Variants in POLR3B observed in about 807,000 individuals in gnomAD.
The protein encoded by POLR3B is DNA-directed RNA polymerase III subunit RPC2.
A neutral mutation model predicts 147.4 loss-of-function variants in POLR3B; 96 were observed. The observed-to-expected ratio is 0.65, with a 90% CI of 0.55 to 0.77. The LOEUF (loss-of-function observed/expected upper bound fraction) is 0.77. Ranked by LOEUF, POLR3B falls within the 30% of genes least tolerant of loss-of-function variation. The pLI is 0.00. For synonymous variants in POLR3B, 461 were observed against 485.9 expected (o/e 0.95, Z 0.67); for missense variants, 1,036 against 1,413.5 (o/e 0.73, Z 4.28).
chr12:106,428,674 T>C (rs559107233), intron 13 of POLR3B, among the ~76,000 whole-genome samples: 9 of 152,174 alleles, frequency 5.9e-5, no homozygotes, highest in Non-Finnish European at 1.3e-4. Flanking sequence ...TCTGTGGGCA[T>C]AAGTCAGTTT....
intron 19 of POLR3B, among the ~76,000 whole-genome samples, chr12:106,447,423 A>G (rs2037738351): frequency 6.6e-6 from 1 of 152,294 alleles, no homozygotes; most frequent in South Asian, 2.1e-4. Context: ...TAGGCGCTTT[A>G]TTAATAAAGT....
At chr12:106,470,521 G>T (rs2038075448) in intron 23 of POLR3B, among the ~76,000 whole-genome samples, 2 of 152,118 alleles carry the variant, frequency 1.3e-5, no homozygotes, top group African/African-American at 4.8e-5. Context: ...TTCCTTTGGA[G>T]GAGAAGAGGC....
At chr12:106,452,716 G>T (rs2137025934) in intron 19 of POLR3B, among the ~76,000 whole-genome samples, 1 of 152,240 alleles carries the variant, frequency 6.6e-6, no homozygotes, top group South Asian at 2.1e-4. Context: ...CAGGTATCCT[G>T]CCCAGTTTAT....
intron 9 of POLR3B, among the ~76,000 whole-genome samples, chr12:106,388,533 G>A (rs2036872289): frequency 1.3e-5 from 2 of 152,110 alleles, no homozygotes; most frequent in African/African-American, 4.8e-5. Context: ...GGCCAGGATG[G>A]TCTTGATCTC....
intron 23 of POLR3B, among the ~76,000 whole-genome samples, chr12:106,486,696 C>T (rs2038345913): frequency 6.6e-6 from 1 of 152,112 alleles, no homozygotes; most frequent in South Asian, 2.1e-4. Flanking sequence ...CTGCCAAAGC[C>T]CCATATTAAG....
intron 9 of POLR3B, among the ~76,000 whole-genome samples, chr12:106,383,973 A>G (rs1222131633): frequency 6.6e-6 from 1 of 150,452 alleles, no homozygotes; most frequent in African/African-American, 2.5e-5. Context: ...GTGAGACTCC[A>G]TCTCAAAAAA....
At position 106,447,674 on chromosome 12, in the gene POLR3B, T is replaced by A. The variant is rs2137020568; in HGVS notation, c.2083+3084T>A. On this transcript the variant is annotated intron_variant, in intron 19 of 27. Transcript: ENST00000228347. The stretch of plus-strand genomic sequence containing the variant: ...AGCCACACTTTCATATCCTGCCCAT[T>A]TATTAGTTGGCAGTCCTCTAGTGGA... Among the ~76,000 whole-genome samples, 2 of 152,292 alleles carry A rather than the reference T, an allele frequency of 1.3e-5. 1 individual carries two copies. Among genetic ancestry groups the A allele is most frequent in the Middle Eastern group, 6.8e-3 (2 of 294 alleles).
intron 10 of POLR3B, among the ~76,000 whole-genome samples, chr12:106,396,162 C>T (rs1278755294): frequency 1.3e-5 from 2 of 152,130 alleles, no homozygotes; most frequent in Non-Finnish European, 2.9e-5. Context: ...ATACCCTGCT[C>T]ACCTGTGTTC....
rs567765509 is a variant in POLR3B, at chr12:106,501,350, T to C, written c.3012T>C (p.Phe1004=). 1.2e-6 allele frequency: 2 copies of C among 1,612,806 alleles called. No individual in the cohort carries two copies. Among genetic ancestry groups the C allele is most frequent in the East Asian group, 4.5e-5 (2 of 44,876 alleles). The change falls in exon 26 of 28, where the codon TTT becomes TTC. Residue 1004 remains phenylalanine (F), a synonymous_variant. Transcript: ENST00000228347. Reference sequence around the variant, plus strand: ...AGCCCTTAGAAGCATACATCTATTTTGGCCCCGTGTACTATCAGAAGCTGA... The same window carrying C: ...AGCCCTTAGAAGCATACATCTATTTCGGCCCCGTGTACTATCAGAAGCTGA... ...TGEPLEAYIY[F]GPVYYQKLKH...
chr12:106,358,051 G>GTGCGCATGCGCCGGGCTTC, intron 1 of POLR3B, 100 bp downstream of exon 1: 28 of 1,559,056 alleles, frequency 1.8e-5, no homozygotes, highest in Middle Eastern at 2.3e-4. Context: ...CTGGCGGTTT[G>GTGCGCATGCGCCGGGCTTC]TGCGCATGCG....
At chr12:106,478,689 G>A (rs1300997079) in intron 23 of POLR3B, among the ~76,000 whole-genome samples, 1 of 151,968 alleles carries the variant, frequency 6.6e-6, no homozygotes, top group African/African-American at 2.4e-5. Flanking sequence ...GATTGACATG[G>A]GACTCGTAAC....
intron 12 of POLR3B, among the ~76,000 whole-genome samples, chr12:106,421,773 C>G (rs1371205050): frequency 6.6e-6 from 1 of 152,070 alleles, no homozygotes; most frequent in Non-Finnish European, 1.5e-5. Flanking sequence ...GATCTCTACT[C>G]ACTGCAACCT....
At chr12:106,419,765 A>G (rs1015917428) in intron 12 of POLR3B, among the ~76,000 whole-genome samples, 7 of 88,082 alleles carry the variant, frequency 7.9e-5, no homozygotes, top group South Asian at 4.1e-4. Context: ...CTTTTTTTTT[A>G]TTTATAGTGA....
At chr12:106,438,899 A>G (rs1384371164) in intron 18 of POLR3B, among the ~76,000 whole-genome samples, 1 of 152,240 alleles carries the variant, frequency 6.6e-6, no homozygotes. Flanking sequence ...TTCTTCTTGA[A>G]CAATGATATT....
intron 1 of POLR3B, among the ~76,000 whole-genome samples, chr12:106,359,802 A>T (rs572197115): frequency 2.2e-4 from 34 of 152,278 alleles, no homozygotes; most frequent in Admixed American, 1.1e-3. Flanking sequence ...TGTTAAGTAA[A>T]TAGCCTTGCA....
At position 106,430,193 on chromosome 12, in the gene POLR3B, A is replaced by G. The variant is rs939946150; in HGVS notation, c.1264-80A>G. Reference sequence around the variant, plus strand: ...TCGTAAGCATGAAGCTCCTGTAATGAACTTCTTGGAGTGACCGCACGGTAT... The same window carrying G: ...TCGTAAGCATGAAGCTCCTGTAATGGACTTCTTGGAGTGACCGCACGGTAT... On this transcript the variant is annotated intron_variant, in intron 13 of 27. Coordinates refer to ENST00000228347, the MANE Select transcript of POLR3B (RefSeq NM_018082.6). 5.0e-6 allele frequency: 5 copies of G among 1,003,524 alleles called. No homozygotes were observed. The African/African-American group carries it at 7.9e-5, about 16-fold the overall frequency. 62.2% of individuals were successfully genotyped at this position (1,003,524 alleles called of 1,614,324 possible). A position where few individuals can be genotyped will look rare whatever the true frequency, so the allele number is the denominator to read the frequency against.
intron 11 of POLR3B, chr12:106,410,605 A>T (rs1029046966): frequency 3.6e-6 from 2 of 560,694 alleles, no homozygotes; most frequent in Non-Finnish European, 6.4e-6. Context: ...TGATGTAGTC[A>T]TCTTTGACAC....
intron 2 of POLR3B, 129 bp downstream of exon 2, chr12:106,364,031 C>T: frequency 1.4e-6 from 1 of 711,406 alleles, no homozygotes; most frequent in Non-Finnish European, 2.4e-6. Flanking sequence ...TTTGGAAATA[C>T]AAGGAATTAT....
At chr12:106,411,591 C>T (rs537379697) in intron 12 of POLR3B, among the ~76,000 whole-genome samples, 2 of 152,112 alleles carry the variant, frequency 1.3e-5, no homozygotes, top group Non-Finnish European at 2.9e-5. Context: ...TCTAGGCATA[C>T]TCCTAAGTAC....
Sources: allele counts gnomAD v4.1 joint callset (sites outside exome capture counted in the v4.1 genomes callset), GRCh38; gene constraint gnomAD v4.1.1; transcripts MANE v1.5; gene names NCBI Gene and HGNC (gene_info 2026-07-23, HGNC 2026-07-21).